HSD17B12: variants seen among roughly 807,000 people sequenced by gnomAD.
The protein encoded by HSD17B12 is very-long-chain 3-oxoacyl-CoA reductase.
A neutral mutation model predicts 39.3 loss-of-function variants in HSD17B12; 32 were observed. The ratio of observed to expected loss-of-function variants is 0.81; its 90% CI spans 0.61 to 1.09. The LOEUF is 1.09. HSD17B12 is among the 50% of genes least tolerant of loss of function. The probability of loss-of-function intolerance (pLI) is 0.00; values close to 1 mark genes in which losing one functional copy is unlikely to be tolerated. For missense variants in HSD17B12, 342 were observed against 382.9 expected (o/e 0.89, Z 0.89); for synonymous variants, 150 against 146.7 (o/e 1.02, Z -0.16).
At chr11:43,606,739 G>A in the HSD17B12 span, among the ~76,000 whole-genome samples, 1 of 152,182 alleles carries the variant, frequency 6.6e-6, no homozygotes, top group African/African-American at 2.4e-5. Context: ...AGCAAATTGG[G>A]ATAGGCAGTG....
chr11:43,716,535 G>T lies in HSD17B12; in HGVS notation c.161-34376G>T, dbSNP rs539767523. 2.6e-5 allele frequency among the ~76,000 whole-genome samples: 4 copies of T among 151,984 alleles called. No individual in the cohort carries two copies. In the South Asian group the frequency reaches 8.3e-4, roughly 32 times the overall value. ...ACAAGAGAACCATGATTTAATCAAG[G>T]TTCTCATTCATTTCGCAAACCCTTA... On this transcript the variant is annotated intron_variant, in intron 1 of 10. Transcript: ENST00000278353.
At chr11:43,603,039 A>G in the HSD17B12 span, among the ~76,000 whole-genome samples, 3 of 152,134 alleles carry the variant, frequency 2.0e-5, no homozygotes, top group Non-Finnish European at 2.9e-5. Context: ...ATTGTGCTCC[A>G]TTTTCCAGCT....
intron 1 of HSD17B12, among the ~76,000 whole-genome samples, chr11:43,731,640 C>G (rs1383288200): frequency 6.6e-6 from 1 of 152,116 alleles, no homozygotes; most frequent in African/African-American, 2.4e-5. Context: ...TTGCAGCCTG[C>G]AGGTTGGTCA....
the HSD17B12 span, among the ~76,000 whole-genome samples, chr11:43,580,355 C>T: frequency 9.8e-6 from 1 of 102,426 alleles, no homozygotes; most frequent in Non-Finnish European, 1.8e-5. Flanking sequence ...CCCTAGCATT[C>T]TGCAGAATGG....
chr11:43,787,286 G>A (rs994734687), intron 3 of HSD17B12, among the ~76,000 whole-genome samples: 2 of 152,134 alleles, frequency 1.3e-5, no homozygotes, highest in African/African-American at 4.8e-5. Context: ...AGAACAGATT[G>A]TGTATCAACT....
intron 3 of HSD17B12, among the ~76,000 whole-genome samples, chr11:43,772,982 G>T (rs963998114): frequency 6.6e-6 from 1 of 152,034 alleles, no homozygotes; most frequent in African/African-American, 2.4e-5. Flanking sequence ...GCGGTGGCAC[G>T]TGCTTATAGT....
At chr11:43,715,049 A>G (rs1010655716) in intron 1 of HSD17B12, among the ~76,000 whole-genome samples, 3 of 152,198 alleles carry the variant, frequency 2.0e-5, no homozygotes, top group Non-Finnish European at 2.9e-5. Context: ...TTTTCTAGAT[A>G]CACAATCATG....
intron 1 of HSD17B12, among the ~76,000 whole-genome samples, chr11:43,696,888 A>G (rs920632811): frequency 1.3e-5 from 2 of 152,164 alleles, no homozygotes; most frequent in Admixed American, 1.3e-4. Flanking sequence ...GGAAGTCATC[A>G]TCCTCAGCAA....
chr11:43,639,480 A>G, the HSD17B12 span, among the ~76,000 whole-genome samples: 4 of 152,076 alleles, frequency 2.6e-5, no homozygotes, highest in Non-Finnish European at 4.4e-5. Context: ...CCTAGTTACA[A>G]TCCCTCATTT....
chr11:43,603,287 A>C, the HSD17B12 span, among the ~76,000 whole-genome samples: 1 of 152,196 alleles, frequency 6.6e-6, no homozygotes. Context: ...TAATGAGTGA[A>C]GCAAATCTTA....
chr11:43,738,797 A>G (rs1474618979), intron 1 of HSD17B12, among the ~76,000 whole-genome samples: 1 of 152,208 alleles, frequency 6.6e-6, no homozygotes, highest in Non-Finnish European at 1.5e-5. Context: ...ATATTGTCCA[A>G]AGGACGACCA....
chr11:43,751,215 G>A (rs966928813), intron 2 of HSD17B12, among the ~76,000 whole-genome samples: 3 of 152,132 alleles, frequency 2.0e-5, no homozygotes, highest in African/African-American at 7.2e-5. Context: ...ACAATTTAGT[G>A]TAATTTTATT....
At chr11:43,667,743 G>A in the HSD17B12 span, among the ~76,000 whole-genome samples, 1 of 152,202 alleles carries the variant, frequency 6.6e-6, no homozygotes, top group East Asian at 1.9e-4. Flanking sequence ...AACAAAGTTT[G>A]TGTTAAGCAC....
intron 7 of HSD17B12, among the ~76,000 whole-genome samples, chr11:43,835,818 A>T (rs1951364742): frequency 6.6e-6 from 1 of 152,200 alleles, no homozygotes; most frequent in African/African-American, 2.4e-5. Flanking sequence ...TACTTGAGAA[A>T]CAAAATCTTA....
Position 43,712,060 on chromosome 11 carries a change from C to T in HSD17B12, c.160+31073C>T, listed in dbSNP as rs190059694. On this transcript the variant is annotated intron_variant, in intron 1 of 10. Transcript: ENST00000278353. ...CTCCAGCATTAACATCAACACAGAC[C>T]TTAAGTCTGATAAGAAACATTTACA... 2.0e-3 allele frequency among the ~76,000 whole-genome samples: 308 copies of T among 152,248 alleles called. 2 individuals carry two copies. The highest frequency in any genetic ancestry group is 6.9e-3 in the African/African-American group (285 of 41,554).
chr11:43,753,076 T>C (rs1950479531), intron 2 of HSD17B12, among the ~76,000 whole-genome samples: 1 of 152,180 alleles, frequency 6.6e-6, no homozygotes, highest in Non-Finnish European at 1.5e-5. Context: ...CTAAATAGTT[T>C]TGTGCAGATT....
intron 1 of HSD17B12, among the ~76,000 whole-genome samples, chr11:43,748,558 C>A (rs535458940): frequency 6.6e-6 from 1 of 152,174 alleles, no homozygotes; most frequent in Non-Finnish European, 1.5e-5. Context: ...CAGCATCAAG[C>A]AATATTCCCA....
At chr11:43,651,997 A>G in the HSD17B12 span, among the ~76,000 whole-genome samples, 1 of 152,216 alleles carries the variant, frequency 6.6e-6, no homozygotes, top group Admixed American at 6.5e-5. Flanking sequence ...AGAATACATA[A>G]GTTGTGAGAA....
At chr11:43,592,419 T>TA in the HSD17B12 span, among the ~76,000 whole-genome samples, 4 of 152,112 alleles carry the variant, frequency 2.6e-5, no homozygotes, top group South Asian at 2.1e-4. Flanking sequence ...CATCAAATAT[T>TA]AAAAAAAGAC....
Sources: allele counts gnomAD v4.1 joint callset (sites outside exome capture counted in the v4.1 genomes callset), GRCh38; gene constraint gnomAD v4.1.1; transcripts MANE v1.5; gene names NCBI Gene and HGNC (gene_info 2026-07-23, HGNC 2026-07-21).